The following C2orf76 variants were observed in gnomAD, a reference collection of about 807,000 sequenced individuals.
C2orf76 encodes chromosome 2 open reading frame 76, also known as UPF0538 protein C2orf76.
In C2orf76, 23 loss-of-function variants were observed where a neutral mutation model predicts 16.9. That is an observed-to-expected ratio of 1.36 (90% confidence interval 0.98 to 1.93). The LOEUF is 1.93. Ranked by LOEUF, C2orf76 falls within the 30% of genes most tolerant of loss-of-function variation. The probability of loss-of-function intolerance (pLI) is 0.00; values close to 1 mark genes in which losing one functional copy is unlikely to be tolerated. For synonymous variants in C2orf76, 48 were observed against 52.3 expected (o/e 0.92, Z 0.35); for missense variants, 152 against 152.6 (o/e 1.00, Z 0.02).
At chr2:119,326,163 T>C (rs1679504108) in intron 2 of C2orf76, among the ~76,000 whole-genome samples, 1 of 152,228 alleles carries the variant, frequency 6.6e-6, no homozygotes, top group Non-Finnish European at 1.5e-5. Flanking sequence ...AAAATCAAAG[T>C]CTCTAAGGTT....
At chr2:119,337,694 C>G (rs572991152) in intron 2 of C2orf76, among the ~76,000 whole-genome samples, 1 of 152,094 alleles carries the variant, frequency 6.6e-6, no homozygotes, top group Admixed American at 6.5e-5. Flanking sequence ...AGTCTGTACC[C>G]CAAAAGTTCA....
downstream of C2orf76, among the ~76,000 whole-genome samples, chr2:119,297,905 T>C (rs893315469): frequency 3.3e-5 from 5 of 152,214 alleles, no homozygotes; most frequent in East Asian, 1.9e-4. Context: ...TATGTCAAAA[T>C]GTTCATGGCA....
chr2:119,333,088 C>G (rs1679728143), intron 2 of C2orf76, among the ~76,000 whole-genome samples: 1 of 152,174 alleles, frequency 6.6e-6, no homozygotes, highest in Non-Finnish European at 1.5e-5. Context: ...ATGCGCAGCA[C>G]ATCCTGTAGT....
chr2:119,311,455 C>T (rs1227998532), intron 5 of C2orf76, 167 bp downstream of exon 5: 26 of 985,272 alleles, frequency 2.6e-5, no homozygotes, highest in Non-Finnish European at 3.0e-5. Context: ...GCCAAGAGAT[C>T]GGAATGCACA....
chr2:119,338,665 T>G (rs1679928271), intron 2 of C2orf76, among the ~76,000 whole-genome samples: 1 of 152,188 alleles, frequency 6.6e-6, no homozygotes, highest in African/African-American at 2.4e-5. Context: ...CATATTCAGT[T>G]TCTTAGAAAG....
intron 2 of C2orf76, among the ~76,000 whole-genome samples, chr2:119,321,863 T>TAC (rs386391024): frequency 1.1e-4 from 16 of 151,690 alleles, no homozygotes; most frequent in Admixed American, 7.2e-4. Flanking sequence ...CATATATATA[T>TAC]ATATATAGCT....
upstream of C2orf76, chr2:119,366,946 C>T: frequency 2.8e-6 from 4 of 1,426,368 alleles, no homozygotes; most frequent in Non-Finnish European, 3.9e-6. Flanking sequence ...AGGGTTGGGG[C>T]GAGTGGACCG....
intron 3 of C2orf76, 37 bp from the exon 4 acceptor site, chr2:119,317,540 T>C: frequency 6.5e-7 from 1 of 1,534,470 alleles, no homozygotes; most frequent in East Asian, 2.3e-5. Context: ...TTACACAGTT[T>C]ATTCTAAACT....
At chr2:119,339,771 T>C (rs917461573) in intron 2 of C2orf76, 56 bp downstream of exon 2, 2 of 1,474,652 alleles carry the variant, frequency 1.4e-6, no homozygotes, top group Non-Finnish European at 1.9e-6. Flanking sequence ...ATTAATGTCA[T>C]AGTCAGCTAT....
chr2:119,349,575 T>C (rs1680316209), intron 1 of C2orf76, among the ~76,000 whole-genome samples: 1 of 152,068 alleles, frequency 6.6e-6, no homozygotes, highest in South Asian at 2.1e-4. Flanking sequence ...CAGCTCACAG[T>C]TCCCCACACC....
intron 2 of C2orf76, among the ~76,000 whole-genome samples, chr2:119,325,457 C>CCAA (rs1679479900): frequency 1.7e-5 from 1 of 59,784 alleles, no homozygotes; most frequent in Non-Finnish European, 3.1e-5. Context: ...AAGACTGTCT[C>CCAA]AAAAAAAAAA....
At chr2:119,286,837 G>T in the C2orf76 span, among the ~76,000 whole-genome samples, 7 of 152,240 alleles carry the variant, frequency 4.6e-5, no homozygotes, top group African/African-American at 1.4e-4. Flanking sequence ...GGGAAGGGGA[G>T]GCCGTTCTCA....
intron 1 of C2orf76, among the ~76,000 whole-genome samples, chr2:119,350,064 A>ACCCCCCCCCCCCCCCCCCCCC (rs1680337722): frequency 2.5e-5 from 1 of 40,334 alleles, no homozygotes; most frequent in Non-Finnish European, 4.9e-5. Flanking sequence ...CGCCCCGCCC[A>ACCCCCCCCCCCCCCCCCCCCC]CACCGCCCCC....
At chr2:119,305,895 C>T (rs1166639064) in intron 5 of C2orf76, among the ~76,000 whole-genome samples, 2 of 131,092 alleles carry the variant, frequency 1.5e-5, no homozygotes, top group African/African-American at 2.8e-5. Flanking sequence ...GAGAAGATTT[C>T]AAACTACAGT....
chr2:119,294,084 G>C, the C2orf76 span, among the ~76,000 whole-genome samples: 1 of 152,176 alleles, frequency 6.6e-6, no homozygotes, highest in Non-Finnish European at 1.5e-5. Context: ...GATATAATTA[G>C]AGAAGTCAGA....
chr2:119,340,605 T>C (rs1178220622), intron 1 of C2orf76, among the ~76,000 whole-genome samples: 2 of 152,160 alleles, frequency 1.3e-5, no homozygotes, highest in Non-Finnish European at 2.9e-5. Context: ...TTTTGCCTCA[T>C]GGTTTCGTGA....
At chr2:119,327,299 T>C (rs1679537052) in intron 2 of C2orf76, among the ~76,000 whole-genome samples, 1 of 151,812 alleles carries the variant, frequency 6.6e-6, no homozygotes, top group African/African-American at 2.4e-5. Flanking sequence ...ATCTTATAGT[T>C]TTCTTTTCTT....
At chr2:119,355,905 C>A (rs1336981862) in intron 1 of C2orf76, among the ~76,000 whole-genome samples, 1 of 152,148 alleles carries the variant, frequency 6.6e-6, no homozygotes, top group East Asian at 1.9e-4. Flanking sequence ...CAAGTATCCA[C>A]AACATAGATG....
chr2:119,364,530 T>C (rs1193056253), intron 1 of C2orf76, among the ~76,000 whole-genome samples: 2 of 152,234 alleles, frequency 1.3e-5, no homozygotes, highest in Admixed American at 6.5e-5. Flanking sequence ...AAAAACACTT[T>C]ATTCATTCAA....
Sources: allele counts gnomAD v4.1 joint callset (sites outside exome capture counted in the v4.1 genomes callset), GRCh38; gene constraint gnomAD v4.1.1; transcripts MANE v1.5; gene names NCBI Gene and HGNC (gene_info 2026-07-23, HGNC 2026-07-21).